Variants in SLC9D1 observed in about 807,000 individuals in gnomAD.
The protein encoded by SLC9D1 is solute carrier family 9 member D1.
At chr13:113,546,767 G>C in the SLC9D1 span, among the ~76,000 whole-genome samples, 3 of 152,276 alleles carry the variant, frequency 2.0e-5, no homozygotes, top group African/African-American at 7.2e-5. This position sits in a 1 kb window ranked among gnomAD's most constrained non-coding sequence, Gnocchi z 7.1. Flanking sequence ...TGCGTCACTC[G>C]GCAGCACAGC....
At chr13:113,524,136 C>T in the SLC9D1 span, 22 of 456,284 alleles carry the variant, frequency 4.8e-5, no homozygotes, top group African/African-American at 3.2e-4. Context: ...CAGTTAACTG[C>T]GCTATTTCGT....
the SLC9D1 span, among the ~76,000 whole-genome samples, chr13:113,492,661 G>C: frequency 1.3e-5 from 2 of 152,218 alleles, no homozygotes; most frequent in Admixed American, 1.3e-4. Flanking sequence ...ACTTTGGGAG[G>C]CTGAGGTGGG....
chr13:113,542,914 A>G, the SLC9D1 span, among the ~76,000 whole-genome samples: 1 of 152,058 alleles, frequency 6.6e-6, no homozygotes, highest in East Asian at 1.9e-4. Flanking sequence ...TCGCAGGTGA[A>G]ATAGGACCAT....
chr13:113,513,739 C>G, the SLC9D1 span, among the ~76,000 whole-genome samples: 1 of 152,300 alleles, frequency 6.6e-6, no homozygotes, highest in Admixed American at 6.5e-5. Flanking sequence ...ATAAAGATGT[C>G]ACTTCTCCCC....
At chr13:113,539,398 C>G in the SLC9D1 span, 544 of 1,613,482 alleles carry the variant, frequency 3.4e-4, 3 homozygotes, top group Middle Eastern at 3.3e-4. This position sits in a 1 kb window ranked among gnomAD's most constrained non-coding sequence, Gnocchi z 4.8. Flanking sequence ...TGGGCTGTTT[C>G]CTGGCTGGAG....
chr13:113,515,341 CAT>C, the SLC9D1 span, among the ~76,000 whole-genome samples: 3 of 152,290 alleles, frequency 2.0e-5, no homozygotes, highest in South Asian at 6.2e-4. Context: ...TGGAATGCAA[CAT>C]GTTTTATGTG....
the SLC9D1 span, among the ~76,000 whole-genome samples, chr13:113,537,765 G>A: frequency 0.023 from 3,442 of 152,280 alleles, 84 homozygotes; most frequent in East Asian, 0.11. Flanking sequence ...GGTGAGCTTC[G>A]GTTGTGTTGG....
chr13:113,516,745 G>A, the SLC9D1 span, among the ~76,000 whole-genome samples: 4 of 152,010 alleles, frequency 2.6e-5, no homozygotes, highest in Admixed American at 6.6e-5. Flanking sequence ...TAGCCCCTTC[G>A]AGGGGCCCAA....
At chr13:113,544,510 G>A in the SLC9D1 span, among the ~76,000 whole-genome samples, 1 of 152,242 alleles carries the variant, frequency 6.6e-6, no homozygotes. Flanking sequence ...GCAGCTCTAT[G>A]GAAACAGCCA....
At chr13:113,495,479 G>A in the SLC9D1 span, 2 of 782,536 alleles carry the variant, frequency 2.6e-6, no homozygotes, top group Non-Finnish European at 4.2e-6. Context: ...GTTTAACTAT[G>A]TGTGACAATA....
the SLC9D1 span, among the ~76,000 whole-genome samples, chr13:113,520,253 G>C: frequency 3.3e-5 from 5 of 152,106 alleles, no homozygotes; most frequent in African/African-American, 9.7e-5. Context: ...TGGGAGGCCA[G>C]GGCAGGTGGA....
At chr13:113,495,238 A>C in the SLC9D1 span, among the ~76,000 whole-genome samples, 53 of 152,172 alleles carry the variant, frequency 3.5e-4, no homozygotes, top group Non-Finnish European at 4.7e-4. Context: ...GTCGCCCCCC[A>C]AAAAAATGAC....
the SLC9D1 span, among the ~76,000 whole-genome samples, chr13:113,543,865 G>A: frequency 9.2e-5 from 14 of 152,166 alleles, no homozygotes; most frequent in South Asian, 1.2e-3. Flanking sequence ...ATCATTCTAC[G>A]TGTTTTTGCT....
At chr13:113,501,065 T>A in the SLC9D1 span, among the ~76,000 whole-genome samples, 1 of 152,188 alleles carries the variant, frequency 6.6e-6, no homozygotes, top group African/African-American at 2.4e-5. Flanking sequence ...CCACTAAAGA[T>A]TCCTGCCTGC....
chr13:113,510,284 T>C, the SLC9D1 span: 2 of 1,614,256 alleles, frequency 1.2e-6, no homozygotes, highest in African/African-American at 1.3e-5. Context: ...ACACTGTTAA[T>C]GATTGCATTT....
the SLC9D1 span, among the ~76,000 whole-genome samples, chr13:113,519,231 A>G: frequency 2.6e-5 from 4 of 151,986 alleles, no homozygotes; most frequent in African/African-American, 9.7e-5. Flanking sequence ...TTTTTAGAAC[A>G]GATGGGGTTT....
At chr13:113,499,917 A>G in the SLC9D1 span, 1 of 1,277,150 alleles carries the variant, frequency 7.8e-7, no homozygotes, top group Non-Finnish European at 1.0e-6. Flanking sequence ...AATTGAAAGC[A>G]TTTAATGGAT....
the SLC9D1 span, chr13:113,504,165 CAG>C: frequency 6.6e-6 from 1 of 152,464 alleles, no homozygotes; most frequent in East Asian, 1.9e-4. Flanking sequence ...TCAGATGTAA[CAG>C]GCATTCTTGA....
At chr13:113,512,964 G>C in the SLC9D1 span, among the ~76,000 whole-genome samples, 2 of 152,082 alleles carry the variant, frequency 1.3e-5, no homozygotes, top group South Asian at 2.1e-4. Context: ...AGCCCCAGGG[G>C]CCGAGACTGG....
Sources: allele counts gnomAD v4.1 joint callset (sites outside exome capture counted in the v4.1 genomes callset), GRCh38; gene constraint gnomAD v4.1.1; non-coding constraint Gnocchi (gnomAD v3.1); transcripts MANE v1.5; gene names NCBI Gene and HGNC (gene_info 2026-07-23, HGNC 2026-07-21).